The following PCDHGB7 variants were observed in gnomAD, a reference collection of about 807,000 sequenced individuals.
PCDHGB7 encodes the protein protocadherin gamma-B7.
In PCDHGB7, 37 loss-of-function variants were observed where a neutral mutation model predicts 61.4. The observed-to-expected ratio is 0.60, with a 90% CI of 0.46 to 0.79. PCDHGB7 has a LOEUF of 0.79. PCDHGB7 is among the 30% of genes least tolerant of loss of function. PCDHGB7 has a pLI of 0.00. For synonymous variants in PCDHGB7, 464 were observed against 503.5 expected (o/e 0.92, Z 1.05); for missense variants, 1,166 against 1,202.5 (o/e 0.97, Z 0.45).
At chr5:141,503,729 G>C (rs531112359) in intron 2 of PCDHGB7, among the ~76,000 whole-genome samples, 1 of 152,190 alleles carries the variant, frequency 6.6e-6, no homozygotes, top group East Asian at 1.9e-4. Flanking sequence ...CTTTATGTTT[G>C]TTGTGATGGT....
At chr5:141,454,181 G>A (rs1290295830) in intron 1 of PCDHGB7, among the ~76,000 whole-genome samples, 1 of 152,200 alleles carries the variant, frequency 6.6e-6, no homozygotes, top group Non-Finnish European at 1.5e-5. Context: ...GCAGCTAAAG[G>A]AGCTTAGTGA....
rs760095389 is a variant in PCDHGB7, at chr5:141,486,731, A to G, written c.2416-8076A>G. On this transcript the variant is annotated intron_variant, in intron 1 of 3. Transcript: ENST00000398594. The surrounding 1 kb of genome is among the most constrained non-coding windows in gnomAD (Gnocchi z 5.0). ...CCCCCAGACAGGAGCTGTTCATGCT[A>G]CTCGATCCTTTGACTATGAGCAAAC... The G allele has an allele frequency of 6.2e-7, 1 of 1,614,060 alleles. No individual in the cohort carries two copies. Among genetic ancestry groups the G allele is most frequent in the Non-Finnish European group, 8.5e-7 (1 of 1,180,012 alleles).
intron 1 of PCDHGB7, chr5:141,440,587 A>G (rs566819394): frequency 1.3e-5 from 2 of 152,392 alleles, no homozygotes; most frequent in East Asian, 3.9e-4. Flanking sequence ...CCCAGCTGGA[A>G]CAAGATTTGC....
intron 2 of PCDHGB7, among the ~76,000 whole-genome samples, chr5:141,501,294 C>CAT (rs200497585): frequency 0.16 from 9,924 of 62,810 alleles, 350 homozygotes; most frequent in Non-Finnish European, 0.25. Flanking sequence ...CCCTTATACA[C>CAT]ACACACACAC....
intron 2 of PCDHGB7, among the ~76,000 whole-genome samples, chr5:141,498,944 A>G (rs1249475504): frequency 7.2e-6 from 1 of 139,096 alleles, no homozygotes; most frequent in Non-Finnish European, 1.6e-5. Flanking sequence ...AAAGAAAGAA[A>G]GAAAAAGAGA....
chr5:141,422,795 A>G lies in PCDHGB7; in HGVS notation c.2415+2521A>G, dbSNP rs543001807. ...CTCTATGCCCTACAATCCTTCGACTATGAGCAGTTTCGAGACTTAGAACTG... is the reference window on the plus strand; with the variant it reads ...CTCTATGCCCTACAATCCTTCGACTGTGAGCAGTTTCGAGACTTAGAACTG... On this transcript the variant is annotated intron_variant, in intron 1 of 3. Transcript: ENST00000398594. 14 of 1,614,198 alleles carry G rather than the reference A, an allele frequency of 8.7e-6. No homozygotes were observed. In the East Asian group the frequency reaches 1.8e-4, roughly 21 times the overall value.
intron 2 of PCDHGB7, among the ~76,000 whole-genome samples, chr5:141,504,280 C>T (rs1027657223): frequency 6.6e-6 from 1 of 152,076 alleles, no homozygotes; most frequent in Admixed American, 6.6e-5. Context: ...AATTATGAAT[C>T]ATTTCATGTT....
At chr5:141,424,960 C>T (rs1291822416) in intron 1 of PCDHGB7, among the ~76,000 whole-genome samples, 1 of 152,102 alleles carries the variant, frequency 6.6e-6, no homozygotes, top group African/African-American at 2.4e-5. Context: ...AGGTATTTGC[C>T]CCAAATTACT....
intron 1 of PCDHGB7, among the ~76,000 whole-genome samples, chr5:141,483,993 G>T (rs1307708919): frequency 6.8e-6 from 1 of 147,882 alleles, no homozygotes; most frequent in Non-Finnish European, 1.5e-5. Flanking sequence ...AGGTTGCTGG[G>T]AGGTCTGGAT....
At chr5:141,422,769 T>C (rs1274700138) in intron 1 of PCDHGB7, 1 of 1,613,852 alleles carries the variant, frequency 6.2e-7, no homozygotes, top group Admixed American at 1.7e-5. Context: ...ACACTGGTGT[T>C]CTCTATGCCC....
At position 141,489,180 on chromosome 5, in the gene PCDHGB7, C is replaced by G. The variant is rs942218118; in HGVS notation, c.2416-5627C>G. On this transcript the variant is annotated intron_variant, in intron 1 of 3. Transcript: ENST00000398594. This position sits in a 1 kb window ranked among gnomAD's most constrained non-coding sequence, Gnocchi z 4.5. ...GACTTCAGCTGCTGCATTCCAAGCC[C>G]TGGGTCTACCTTGGAGACAGGACAG... The G allele has an allele frequency of 1.8e-5, 23 of 1,259,630 alleles. No homozygotes were observed. In the South Asian group the frequency reaches 3.0e-4, roughly 17 times the overall value. The allele number at this position is 1,259,630 out of a possible 1,614,324, so 78.0% of individuals were successfully genotyped here.
intron 1 of PCDHGB7, chr5:141,430,769 G>T: frequency 6.6e-7 from 1 of 1,508,212 alleles, no homozygotes; most frequent in Non-Finnish European, 8.9e-7. Context: ...AATGATTCCT[G>T]CGCGACTGCA....
In PCDHGB7 at chr5:141,419,144, A is replaced by G; in HGVS notation, c.1285A>G (p.Lys429Glu). Reference sequence around the variant, plus strand: ...CACCATCGCAGCCACAGACAGGGGCAAGCCTCCGTTATCCTCCAGCAAAAC... The same window carrying G: ...CACCATCGCAGCCACAGACAGGGGCGAGCCTCCGTTATCCTCCAGCAAAAC... Reference protein sequence around the residue: ...NVTIAATDRGKPPLSSSKTIT... With the variant: ...NVTIAATDRGEPPLSSSKTIT... The change falls in exon 1 of 4, where the codon AAG becomes GAG. Residue 429 changes from lysine (K) to glutamate (E), a missense_variant. Transcript: ENST00000398594. 1 of 1,613,940 alleles carries G rather than the reference A, an allele frequency of 6.2e-7. No individual in the cohort carries two copies. The highest frequency in any genetic ancestry group is 1.1e-5 in the South Asian group (1 of 91,076).
At position 141,489,099 on chromosome 5, in the gene PCDHGB7, G is replaced by C; in HGVS notation, c.2416-5708G>C. 5.5e-6 allele frequency: 2 copies of C among 361,982 alleles called. No homozygotes were observed. The highest frequency in any genetic ancestry group is 5.0e-5 in the South Asian group (1 of 19,862). 22.4% of individuals were successfully genotyped at this position (361,982 alleles called of 1,614,324 possible). On this transcript the variant is annotated intron_variant, in intron 1 of 3. Coordinates refer to ENST00000398594, the MANE Select transcript of PCDHGB7 (RefSeq NM_018927.4). The surrounding 1 kb of genome is among the most constrained non-coding windows in gnomAD (Gnocchi z 4.5). Reference sequence around the variant, plus strand: ...CCCCGCCACTCGGTGACTAAGAACTGCTGCAAGCAGGCAAACCTCCGAGCA... The same window carrying C: ...CCCCGCCACTCGGTGACTAAGAACTCCTGCAAGCAGGCAAACCTCCGAGCA...
At chr5:141,470,858 TTTTG>T (rs775688955) in intron 1 of PCDHGB7, among the ~76,000 whole-genome samples, 79 of 151,956 alleles carry the variant, frequency 5.2e-4, no homozygotes, top group Non-Finnish European at 3.5e-4. Context: ...CAGATAAGTT[TTTTG>T]TTTGTTTGTT....
chr5:141,421,297 C>T (rs143092131), intron 1 of PCDHGB7: 106 of 1,613,512 alleles, frequency 6.6e-5, no homozygotes, highest in Non-Finnish European at 8.5e-5. Flanking sequence ...CCTGGGGACG[C>T]TGCGGGGGTT....
chr5:141,436,185 A>G (rs1324749623), intron 1 of PCDHGB7, among the ~76,000 whole-genome samples: 1 of 152,142 alleles, frequency 6.6e-6, no homozygotes, highest in Non-Finnish European at 1.5e-5. Flanking sequence ...ATATAGTCAA[A>G]TAGAAAGAAA....
chr5:141,424,692 T>C (rs910540428), intron 1 of PCDHGB7: 2 of 152,004 alleles, frequency 1.3e-5, no homozygotes, highest in African/African-American at 4.8e-5. Context: ...CTTCTGGCTA[T>C]TTTTTTGTTC....
At chr5:141,448,000 C>T (rs1363676731) in intron 1 of PCDHGB7, among the ~76,000 whole-genome samples, 3 of 151,840 alleles carry the variant, frequency 2.0e-5, no homozygotes, top group Non-Finnish European at 4.4e-5. Flanking sequence ...GCATGAGAAT[C>T]GCTTGAACCC....
Sources: gnomAD v4.1 joint callset for allele counts (sites outside exome capture counted in the v4.1 genomes callset) on GRCh38, gnomAD v4.1.1 for gene constraint, Gnocchi (gnomAD v3.1) non-coding constraint, MANE v1.5 for transcripts, NCBI Gene and HGNC (gene_info 2026-07-23, HGNC 2026-07-21) for gene names.